Variants in CCDC187 observed in about 807,000 individuals in gnomAD.
The protein encoded by CCDC187 is coiled-coil domain-containing protein 187.
In CCDC187, 32 loss-of-function variants were observed where a neutral mutation model predicts 38.0. That is an observed-to-expected ratio of 0.84 (90% CI 0.64 to 1.13). The LOEUF (loss-of-function observed/expected upper bound fraction) is 1.13, where lower values mean the gene tolerates loss of function less well. Among genes scored for constraint, CCDC187 ranks in the 50% most tolerant of loss-of-function variants. CCDC187 has a pLI of 0.00. For missense variants in CCDC187, 707 were observed against 786.8 expected, an observed-to-expected ratio of 0.90 and a Z score of 1.21; for synonymous variants, 333 against 347.9, an observed-to-expected ratio of 0.96 and a Z score of 0.48.
rs1413726715 is a variant in CCDC187, at chr9:136,281,784, C to A, written c.2928-121G>T. ...TGGGCTCCCGTGGCCTGGAGCAGCT[C>A]TCAGACCCCCAACAGTGTGCCCAGG... is the stretch of plus-strand genomic sequence containing the variant. On this transcript the variant is annotated intron_variant, in intron 9 of 25. Coordinates refer to ENST00000638797, the MANE Select transcript of CCDC187 (RefSeq NM_001378188.1). The A allele has an allele frequency of 2.3e-5, 9 of 397,584 alleles. No homozygotes were observed. In the East Asian group the frequency reaches 2.9e-4, roughly 13 times the overall value. The allele number at this position is 397,584 out of a possible 1,614,324, so 24.6% of individuals were successfully genotyped here. A position where few individuals can be genotyped will look rare whatever the true frequency, so the allele number is the denominator to read the frequency against.
chr9:136,286,687 A>T lies in CCDC187; in HGVS notation c.2231T>A (p.Leu744Gln), dbSNP rs1422312492. ...ATGGTTCCAGGCTCTGTTCAAACAC[A>T]GGCAGAAGCTGCAGGAAGAGAGACG... ...GGQEAPGSFC[L>Q]CLNRAWNHAE... The change falls in exon 8 of 26, where the codon CTG (leucine) becomes CAG (glutamine). Residue 744 changes from leucine (L) to glutamine (Q), a missense_variant. Leu to Gln is a moderately radical substitution (Grantham distance 113). Transcript: ENST00000638797. The T allele has an allele frequency of 7.5e-6, 3 of 398,746 alleles. No homozygotes were observed. Among genetic ancestry groups the T allele is most frequent in the Admixed American group, 4.4e-5 (1 of 22,738 alleles). The allele number at this position is 398,746 out of a possible 1,614,324, so 24.7% of individuals were successfully genotyped here. A position where few individuals can be genotyped will look rare whatever the true frequency, so the allele number is the denominator to read the frequency against.
Position 136,290,626 on chromosome 9 carries a change from G to T in CCDC187, c.1987C>A (p.Arg663Ser), listed in dbSNP as rs990361909. The change falls in exon 6 of 26, where the codon CGC becomes AGC. Residue 663 changes from arginine (R) to serine (S), a missense_variant. Transcript: ENST00000638797. ...QALEEKASAL[R>S]TRELRSRRLQ... ...CTCCGGCTCCTCAGCTCCCGTGTGC[G>T]CAGGGCCGAGGCCTTCTCCTCCAGG... 2.5e-6 allele frequency: 1 copy of T among 398,630 alleles called. No homozygotes were observed. Among genetic ancestry groups the T allele is most frequent in the Non-Finnish European group, 4.4e-6 (1 of 226,070 alleles). The allele number at this position is 398,630 out of a possible 1,614,324, so 24.7% of individuals were successfully genotyped here.
Position 136,290,655 on chromosome 9 carries a change from T to TGCC in CCDC187, c.1955_1957dup (p.Arg652dup), listed in dbSNP as rs1262381903. ...GGCCGAGGCCTTCTCCTCCAGGGCC[T>TGCC]GCCGCCGCCGGGCCTGCGCCTTCTG... On this transcript the variant is annotated inframe_insertion, in exon 6 of 26. Coordinates refer to ENST00000638797, the MANE Select transcript of CCDC187 (RefSeq NM_001378188.1). The TGCC allele has an allele frequency of 2.5e-6, 1 of 398,366 alleles. No individual in the cohort carries two copies. Among genetic ancestry groups the TGCC allele is most frequent in the Admixed American group, 4.4e-5 (1 of 22,706 alleles). 24.7% of individuals were successfully genotyped at this position (398,366 alleles called of 1,614,324 possible). A position where few individuals can be genotyped will look rare whatever the true frequency, so the allele number is the denominator to read the frequency against.
At position 136,293,268 on chromosome 9, in the gene CCDC187, CTT is replaced by C. The variant is rs1297605886; in HGVS notation, c.833-975_833-974del. ...TCACATGCTTACACACTCACTCATG[CTT>C]TCACACTAACATGCTCACACACTCA... On this transcript the variant is annotated intron_variant, in intron 4 of 25. Transcript: ENST00000638797. Among the ~76,000 whole-genome samples, 493 of 150,724 alleles carry C rather than the reference CTT, an allele frequency of 3.3e-3. 7 individuals carry two copies. The highest frequency in any genetic ancestry group is 0.012 in the African/African-American group (474 of 40,716).
At chr9:136,267,088 T>TCAAAA (rs566311776) in intron 16 of CCDC187, 16,144 of 154,500 alleles carry the variant, frequency 0.1, 1,152 homozygotes, top group Admixed American at 0.19. Flanking sequence ...AAACTCTGTC[T>TCAAAA]CAAAACAAAA....
At chr9:136,287,721 C>T (rs1177635855) in intron 7 of CCDC187, among the ~76,000 whole-genome samples, 1 of 152,168 alleles carries the variant, frequency 6.6e-6, no homozygotes, top group Non-Finnish European at 1.5e-5. Flanking sequence ...AAAGGACAAG[C>T]ATGGCGTGTT....
intron 10 of CCDC187, among the ~76,000 whole-genome samples, chr9:136,277,649 G>A (rs1830959059): frequency 6.6e-6 from 1 of 152,158 alleles, no homozygotes; most frequent in Admixed American, 6.5e-5. Context: ...GTCCCCAGCA[G>A]CAGCGGAGGG....
intron 19 of CCDC187, among the ~76,000 whole-genome samples, chr9:136,261,732 C>A (rs1457055691): frequency 6.6e-6 from 1 of 152,202 alleles, no homozygotes; most frequent in Admixed American, 6.5e-5. Flanking sequence ...CTCCCCCAGG[C>A]AGACAGGGGC....
Position 136,252,348 on chromosome 9 carries a change from C to G in CCDC187, c.*1246G>C, listed in dbSNP as rs1196497298. 4.1e-5 allele frequency: 5 copies of G among 122,022 alleles called. 1 individual carries two copies. In the Admixed American group the frequency reaches 5.2e-4, roughly 13 times the overall value. The allele number at this position is 122,022 out of a possible 1,614,324, so 7.6% of individuals were successfully genotyped here. On this transcript the variant is annotated 3_prime_UTR_variant, in exon 26 of 26. Coordinates refer to ENST00000638797, the MANE Select transcript of CCDC187 (RefSeq NM_001378188.1). ...ACCCTGGGAAGGTCCAGGCGACCAT[C>G]CCGCACAGCCGGCCGCCCACCCCGT...
chr9:136,293,712 T>A (rs2131328099), intron 4 of CCDC187, among the ~76,000 whole-genome samples: 1 of 151,202 alleles, frequency 6.6e-6, no homozygotes, highest in East Asian at 2.0e-4. Flanking sequence ...AGTCACATGC[T>A]TTCACATGCT....
rs1036240966 is a variant in CCDC187, at chr9:136,290,695, G to A, written c.1918C>T (p.Arg640Trp). The change falls in exon 6 of 26, where the codon CGG becomes TGG. Residue 640 changes from arginine (R) to tryptophan (W), a missense_variant. Physicochemically the swap from Arg to Trp is moderately radical, Grantham distance 101 (BLOSUM62 -3). Transcript: ENST00000638797. ...LGPSHSSESL[R>W]EFMRQKAQAR... ...TGCGCCTTCTGGCGCATGAACTCCC[G>A]CAAGGACTCAGAGCTGTGCGAGGGT... 39 of 398,566 alleles carry A rather than the reference G, an allele frequency of 9.8e-5. No individual in the cohort carries two copies. Among genetic ancestry groups the A allele is most frequent in the Admixed American group, 1.8e-4 (4 of 22,740 alleles). 24.7% of individuals were successfully genotyped at this position (398,566 alleles called of 1,614,324 possible).
rs1039410071 is a variant in CCDC187, at chr9:136,252,970, C to G, written c.*624G>C. 6.6e-6 allele frequency: 1 copy of G among 152,552 alleles called. No homozygotes were observed. Among genetic ancestry groups the G allele is most frequent in the African/African-American group, 2.4e-5 (1 of 41,442 alleles). 9.4% of individuals were successfully genotyped at this position (152,552 alleles called of 1,614,324 possible). On this transcript the variant is annotated 3_prime_UTR_variant, in exon 26 of 26. Coordinates refer to ENST00000638797, the MANE Select transcript of CCDC187 (RefSeq NM_001378188.1). ...GGGACCCAGACTTTCCACTGGCGGC[C>G]AAGGGCACTTGGCCTGGGAGAGAGG...
At chr9:136,293,884 G>A (rs940255943) in intron 4 of CCDC187, among the ~76,000 whole-genome samples, 6 of 149,894 alleles carry the variant, frequency 4.0e-5, no homozygotes, top group Admixed American at 2.0e-4. Context: ...TGACTCACAC[G>A]CTCACACACA....
chr9:136,259,549 G>C, intron 20 of CCDC187, 101 bp from the exon 21 acceptor site: 2 of 453,684 alleles, frequency 4.4e-6, no homozygotes, highest in Non-Finnish European at 5.8e-6. Context: ...AGGGGGTGGG[G>C]GATGGGGAGA....
chr9:136,251,032 C>T lies in CCDC187; in HGVS notation c.*2562G>A, dbSNP rs1554759309. 2 of 456,142 alleles carry T rather than the reference C, an allele frequency of 4.4e-6. No homozygotes were observed. Among genetic ancestry groups the T allele is most frequent in the African/African-American group, 2.0e-5 (1 of 50,096 alleles). The allele number at this position is 456,142 out of a possible 1,614,324, so 28.3% of individuals were successfully genotyped here. ...CACGCCAGCTTTGTGATGCCTCCCACCAGACTGCATGCATAAAGTCTGGAG... is the reference window on the plus strand; with the variant it reads ...CACGCCAGCTTTGTGATGCCTCCCATCAGACTGCATGCATAAAGTCTGGAG... On this transcript the variant is annotated 3_prime_UTR_variant, in exon 26 of 26. Transcript: ENST00000638797.
chr9:136,306,522 T>C (rs900938029), upstream of CCDC187, among the ~76,000 whole-genome samples: 7 of 152,096 alleles, frequency 4.6e-5, no homozygotes, highest in Non-Finnish European at 8.8e-5. Flanking sequence ...CCACGCGCCG[T>C]GGCAAATGCT....
intron 15 of CCDC187, chr9:136,267,839 G>A (rs539084716): frequency 4.1e-6 from 4 of 984,192 alleles, no homozygotes; most frequent in East Asian, 1.1e-4. Flanking sequence ...ATGTTGAAAT[G>A]CCTGCCCCCC....
chr9:136,252,566 C>G lies in CCDC187; in HGVS notation c.*1028G>C, dbSNP rs558701038. ...GAAAGGTCCAGGAGACTGTCCCGCA[C>G]AGCCGGCCGCCCGGCCGGTCCACCC... On this transcript the variant is annotated 3_prime_UTR_variant, in exon 26 of 26. Transcript: ENST00000638797. 9 of 172,376 alleles carry G rather than the reference C, an allele frequency of 5.2e-5. No individual in the cohort carries two copies. Among genetic ancestry groups the G allele is most frequent in the Non-Finnish European group, 1.0e-4 (8 of 79,770 alleles). The allele number at this position is 172,376 out of a possible 1,614,324, so 10.7% of individuals were successfully genotyped here. A position where few individuals can be genotyped will look rare whatever the true frequency, so the allele number is the denominator to read the frequency against.
At position 136,253,507 on chromosome 9, in the gene CCDC187, G is replaced by C. The variant is rs370518364; in HGVS notation, c.*87C>G. On this transcript the variant is annotated 3_prime_UTR_variant, in exon 26 of 26. Transcript: ENST00000638797. Reference sequence around the variant, plus strand: ...CAGGTTCAGGCCACTGGCTGCCTCCGGCCTCATCCCCTGCTGCAGAACTGC... The same window carrying C: ...CAGGTTCAGGCCACTGGCTGCCTCCCGCCTCATCCCCTGCTGCAGAACTGC... The C allele has an allele frequency of 6.5e-6, 5 of 770,558 alleles. No individual in the cohort carries two copies. The highest frequency in any genetic ancestry group is 6.2e-5 in the Admixed American group (1 of 16,010). The allele number at this position is 770,558 out of a possible 1,614,324, so 47.7% of individuals were successfully genotyped here. A position where few individuals can be genotyped will look rare whatever the true frequency, so the allele number is the denominator to read the frequency against.
Sources: allele counts gnomAD v4.1 joint callset (sites outside exome capture counted in the v4.1 genomes callset), GRCh38; gene constraint gnomAD v4.1.1; transcripts MANE v1.5; gene names NCBI Gene and HGNC (gene_info 2026-07-23, HGNC 2026-07-21).